AVEN: variants seen among roughly 807,000 people sequenced by gnomAD.
AVEN encodes cell death regulator Aven.
A neutral mutation model predicts 38.1 loss-of-function variants in AVEN; 41 were observed. The ratio of observed to expected loss-of-function variants is 1.08; its 90% CI spans 0.84 to 1.40. AVEN has a LOEUF of 1.40. Among genes scored for constraint, AVEN ranks in the 40% most tolerant of loss-of-function variants. The pLI, the probability that AVEN is intolerant of heterozygous loss-of-function variation, is 0.00. For synonymous variants in AVEN, 206 were observed against 171.8 expected (o/e 1.20, Z -1.56); for missense variants, 605 against 438.8 (o/e 1.38, Z -3.38).
chr15:33,961,710 G>C (rs563554872), intron 2 of AVEN, among the ~76,000 whole-genome samples: 105 of 151,014 alleles, frequency 7.0e-4, no homozygotes, highest in African/African-American at 2.4e-3. Context: ...CTACTCGGGA[G>C]GCTGAGGCAG....
At chr15:33,962,517 C>T (rs1008724530) in intron 2 of AVEN, among the ~76,000 whole-genome samples, 2 of 152,110 alleles carry the variant, frequency 1.3e-5, no homozygotes, top group African/African-American at 4.8e-5. Flanking sequence ...TGTAATCTGT[C>T]CCTTTCTTTC....
chr15:33,900,389 C>G (rs2052614), intron 2 of AVEN, among the ~76,000 whole-genome samples: 6,533 of 151,614 alleles, frequency 0.043, 417 homozygotes, highest in South Asian at 0.14. Context: ...CTTACTGCAG[C>G]CTCAACCTCC....
chr15:33,857,926 C>G (rs1419409537), downstream of AVEN: 1 of 1,379,984 alleles, frequency 7.2e-7, no homozygotes, highest in Non-Finnish European at 9.6e-7. Flanking sequence ...TGAGAGCCCA[C>G]CCACTGCGGG....
At chr15:34,037,077 C>G (rs1465017638) in intron 1 of AVEN, among the ~76,000 whole-genome samples, 1 of 151,162 alleles carries the variant, frequency 6.6e-6, no homozygotes, top group Non-Finnish European at 1.5e-5. Context: ...CCATTGCACT[C>G]CAGCCTGGGC....
intron 5 of AVEN, among the ~76,000 whole-genome samples, chr15:34,057,588 C>T (rs1900203494): frequency 6.6e-6 from 1 of 152,128 alleles, no homozygotes; most frequent in Non-Finnish European, 1.5e-5. Flanking sequence ...TTATCCCCAC[C>T]TCAAAGTTTA....
At chr15:33,971,854 T>A (rs1430563146) in intron 2 of AVEN, among the ~76,000 whole-genome samples, 1 of 152,130 alleles carries the variant, frequency 6.6e-6, no homozygotes, top group African/African-American at 2.4e-5. Flanking sequence ...TAGTTCACCA[T>A]GAAGATCATC....
At chr15:33,992,859 C>T (rs1165518203) in intron 2 of AVEN, among the ~76,000 whole-genome samples, 1 of 152,124 alleles carries the variant, frequency 6.6e-6, no homozygotes, top group African/African-American at 2.4e-5. Context: ...AAATTTCCTA[C>T]CCAAAATAGC....
intron 4 of AVEN, among the ~76,000 whole-genome samples, chr15:33,868,237 G>A (rs1482001424): frequency 6.6e-6 from 1 of 152,110 alleles, no homozygotes; most frequent in Non-Finnish European, 1.5e-5. Flanking sequence ...AAGTCACCAA[G>A]AAGTGGCCAG....
intron 1 of AVEN, among the ~76,000 whole-genome samples, chr15:34,008,830 A>T (rs1337693303): frequency 2.0e-5 from 3 of 152,166 alleles, no homozygotes; most frequent in African/African-American, 7.2e-5. Context: ...ATGAACTTCT[A>T]GTGTATATGC....
intron 1 of AVEN, among the ~76,000 whole-genome samples, chr15:34,073,897 C>T (rs1900681432): frequency 6.6e-6 from 1 of 151,906 alleles, no homozygotes; most frequent in Admixed American, 6.6e-5. Flanking sequence ...TTACATGCAC[C>T]CAGTACAGCT....
chr15:33,854,682 G>C, downstream of AVEN: 1 of 1,508,386 alleles, frequency 6.6e-7, no homozygotes, highest in Non-Finnish European at 8.9e-7. Flanking sequence ...TCCTCAGTGT[G>C]TCTCCCAAAA....
intron 2 of AVEN, among the ~76,000 whole-genome samples, chr15:33,932,858 T>TAAATAAATAAAC: frequency 6.6e-6 from 1 of 151,526 alleles, no homozygotes; most frequent in Admixed American, 6.6e-5. Context: ...AATAAATAAA[T>TAAATAAATAAAC]AAATAAAAAT....
chr15:33,858,000 G>A, downstream of AVEN: 3 of 1,552,900 alleles, frequency 1.9e-6, no homozygotes, highest in East Asian at 6.8e-5. Context: ...GGCTGTGTGG[G>A]GGTGCTCTTG....
intron 2 of AVEN, among the ~76,000 whole-genome samples, chr15:33,916,360 C>A (rs1019951890): frequency 6.6e-6 from 1 of 152,182 alleles, no homozygotes; most frequent in African/African-American, 2.4e-5. Flanking sequence ...GGACTCTGTG[C>A]AGACACCCCC....
chr15:33,918,715 G>A (rs555302920), intron 2 of AVEN, among the ~76,000 whole-genome samples: 25 of 151,848 alleles, frequency 1.6e-4, no homozygotes, highest in Non-Finnish European at 1.5e-5. Context: ...TCAGCCTCCC[G>A]AAGTGCTGGG....
intron 11 of AVEN, chr15:33,860,621 C>A (rs779425327): frequency 7.5e-6 from 12 of 1,593,154 alleles, no homozygotes. Context: ...TTTCGGAGAG[C>A]TAAGAGACCA....
At chr15:34,017,015 A>ATCCCTGC (rs200358414) in intron 1 of AVEN, among the ~76,000 whole-genome samples, 1 of 151,826 alleles carries the variant, frequency 6.6e-6, no homozygotes. Context: ...CCTGTAGTCC[A>ATCCCTGC]AGCTACTCAG....
At chr15:33,955,896 T>C (rs975551387) in intron 2 of AVEN, among the ~76,000 whole-genome samples, 3 of 152,226 alleles carry the variant, frequency 2.0e-5, no homozygotes, top group Non-Finnish European at 4.4e-5. Flanking sequence ...ATGTGTTTCA[T>C]GTATTCAGCA....
intron 1 of AVEN, among the ~76,000 whole-genome samples, chr15:34,032,132 A>C (rs1008458365): frequency 6.6e-6 from 1 of 152,186 alleles, no homozygotes; most frequent in Non-Finnish European, 1.5e-5. Flanking sequence ...AGAAATTACT[A>C]TGTGTCACTA....
Sources: allele counts gnomAD v4.1 joint callset (sites outside exome capture counted in the v4.1 genomes callset), GRCh38; gene constraint gnomAD v4.1.1; transcripts MANE v1.5; gene names NCBI Gene and HGNC (gene_info 2026-07-23, HGNC 2026-07-21).